TRPM2: variants seen among roughly 807,000 people sequenced by gnomAD.
TRPM2 encodes the protein transient receptor potential cation channel subfamily M member 2.
In TRPM2, 161 loss-of-function variants were observed where a neutral mutation model predicts 174.0. That is an observed-to-expected ratio of 0.93 (90% CI 0.81 to 1.05). TRPM2 has a LOEUF of 1.05. Ranked by LOEUF, TRPM2 falls within the 50% of genes least tolerant of loss-of-function variation. TRPM2 has a pLI of 0.00. For missense variants in TRPM2, 2,057 were observed against 2,038.0 expected, an observed-to-expected ratio of 1.01 and a Z score of -0.18; for synonymous variants, 954 against 861.3, an observed-to-expected ratio of 1.11 and a Z score of -1.88.
upstream of TRPM2, chr21:44,353,219 A>AAT (rs2123005402): frequency 6.5e-6 from 1 of 152,844 alleles, no homozygotes; most frequent in Non-Finnish European, 1.5e-5. Context: ...AAAATTTTGG[A>AAT]ATATGAAAGT....
intron 3 of TRPM2, among the ~76,000 whole-genome samples, chr21:44,365,710 G>A (rs1473108698): frequency 6.6e-6 from 1 of 152,162 alleles, no homozygotes; most frequent in African/African-American, 2.4e-5. Flanking sequence ...TGCAGCTGCC[G>A]ACAGGGGCCG....
intron 20 of TRPM2, among the ~76,000 whole-genome samples, chr21:44,417,303 G>T (rs1364646260): frequency 3.2e-5 from 4 of 123,142 alleles, no homozygotes; most frequent in South Asian, 2.9e-4. Context: ...CATCACAGTG[G>T]GCACAAGGGC....
rs138478516 is a variant in TRPM2 at position 44,375,892 on chromosome 21, A to G, written c.831A>G (p.Leu277=). 50 of 1,614,096 alleles carry G rather than the reference A, an allele frequency of 3.1e-5. No individual in the cohort carries two copies. The African/African-American group carries it at 6.4e-4, about 21-fold the overall frequency. ...DEDGQGNLTC[L]DSNHSHFILV... The stretch of plus-strand genomic sequence containing the variant: ...ATGGCCAAGGGAACCTGACCTGCCT[A>G]GACAGCAACCACTCTCACTTCATCC... Residue 277 remains leucine, a synonymous_variant, in exon 6 of 32, where the codon CTA becomes CTG. Coordinates refer to ENST00000397928, the MANE Select transcript of TRPM2 (RefSeq NM_003307.4).
At chr21:44,410,055 G>T (rs112658743) in intron 19 of TRPM2, among the ~76,000 whole-genome samples, 14 of 127,114 alleles carry the variant, frequency 1.1e-4, no homozygotes, top group East Asian at 2.4e-4. Context: ...AGTTTTGATC[G>T]CGCTGTCTTG....
chr21:44,362,374 T>C (rs1276235453), intron 2 of TRPM2, among the ~76,000 whole-genome samples: 1 of 112,542 alleles, frequency 8.9e-6, no homozygotes, highest in African/African-American at 3.7e-5. Context: ...AAGCCAGATG[T>C]GGTGATGGCC....
chr21:44,441,041 G>A, intron 31 of TRPM2, 136 bp downstream of exon 31: 2 of 744,880 alleles, frequency 2.7e-6, no homozygotes, highest in South Asian at 3.1e-5. Context: ...GGCCTCCGGG[G>A]AGAGGGAAGG....
intron 15 of TRPM2, 31 bp downstream of exon 15, chr21:44,400,402 T>TG (rs1569065903): frequency 1.3e-6 from 2 of 1,584,710 alleles, no homozygotes; most frequent in Non-Finnish European, 1.7e-6. Flanking sequence ...TGCGGGACTG[T>TG]GGGGCTGCGG....
Position 44,397,860 on chromosome 21 carries a change from T to C in TRPM2, c.2046T>C (p.Tyr682=), listed in dbSNP as rs538641160. ...AGATGCTGGCGCTGGCGGAGGAGTA[T>C]GAGCACAGAGCCATCGGTGAGCTCT... is the stretch of plus-strand genomic sequence containing the variant. ...SEEMLALAEE[Y]EHRAIGVFTE... is the part of the protein sequence containing the mutation. The change falls in exon 13 of 32, where the codon TAT becomes TAC. Residue 682 remains tyrosine, a synonymous_variant. Transcript: ENST00000397928. 30 of 1,607,208 alleles carry C rather than the reference T, an allele frequency of 1.9e-5. No individual in the cohort carries two copies. Among genetic ancestry groups the C allele is most frequent in the Non-Finnish European group, 2.5e-5 (30 of 1,177,206 alleles).
At position 44,377,294 on chromosome 21, in the gene TRPM2, G is replaced by A. The variant is rs1295085609; in HGVS notation, c.953-418G>A. On this transcript the variant is annotated intron_variant, in intron 6 of 31. Transcript: ENST00000397928. ...AGGATGGACGTGCCGCATGCTGCTC[G>A]CATCCACGCGTGGCAGGTTGTGCCA... Among the ~76,000 whole-genome samples the A allele has an allele frequency of 2.6e-5, 4 of 152,304 alleles. No individual in the cohort carries two copies. In the South Asian group the frequency reaches 6.2e-4, roughly 24 times the overall value.
chr21:44,400,306 GCTGTGGCGTGTGACC>G lies in TRPM2; in HGVS notation c.2262_2276del (p.Trp754_Leu758del). On this transcript the variant is annotated inframe_deletion, in exon 15 of 32. Transcript: ENST00000397928. ...GGGGCCAGCTCTCCGTGGACAATGG[GCTGTGGCGTGTGACC>G]CTGTGCATGCTGGCCTTCCCGCTGC... 1 of 1,612,914 alleles carries G rather than the reference GCTGTGGCGTGTGACC, an allele frequency of 6.2e-7. No homozygotes were observed. Among genetic ancestry groups the G allele is most frequent in the Non-Finnish European group, 8.5e-7 (1 of 1,179,920 alleles).
intron 9 of TRPM2, among the ~76,000 whole-genome samples, chr21:44,389,854 G>A (rs1602194473): frequency 6.6e-6 from 1 of 150,770 alleles, no homozygotes; most frequent in Non-Finnish European, 1.5e-5. Flanking sequence ...AGATGTCTTT[G>A]AAGAGCAGGA....
chr21:44,437,277 GC>G lies in TRPM2; in HGVS notation c.4167+114del, dbSNP rs1482411523. 47 of 1,049,852 alleles carry G rather than the reference GC, an allele frequency of 4.5e-5. No individual in the cohort carries two copies. The African/African-American group carries it at 7.5e-4, about 17-fold the overall frequency. The allele number at this position is 1,049,852 out of a possible 1,614,324, so 65.0% of individuals were successfully genotyped here. Reference sequence around the variant, plus strand: ...CACCAGCCCCCTGCAGCCCCCTGCAGCCCCTGGGCAGGGAGGGTTCGAGACC... The same window carrying G: ...CACCAGCCCCCTGCAGCCCCCTGCAGCCCTGGGCAGGGAGGGTTCGAGACC... On this transcript the variant is annotated intron_variant, in intron 29 of 31. Coordinates refer to ENST00000397928, the MANE Select transcript of TRPM2 (RefSeq NM_003307.4).
chr21:44,422,305 C>G, intron 22 of TRPM2: 1 of 1,536,128 alleles, frequency 6.5e-7, no homozygotes, highest in Non-Finnish European at 8.7e-7. Context: ...AGGACAAGCT[C>G]TGTCTGCAAA....
At position 44,399,949 on chromosome 21, in the gene TRPM2, C is replaced by T. The variant is rs142263505; in HGVS notation, c.2209-310C>T. Among the ~76,000 whole-genome samples, 49 of 152,292 alleles carry T rather than the reference C, an allele frequency of 3.2e-4. No individual in the cohort carries two copies. The highest frequency in any genetic ancestry group is 1.1e-3 in the African/African-American group (47 of 41,558). Reference sequence around the variant, plus strand: ...GCTCCCGTCATGTCCTGGGCTGTGCCAGGCCTAGGGAGGCCTGGGGAAGGG... The same window carrying T: ...GCTCCCGTCATGTCCTGGGCTGTGCTAGGCCTAGGGAGGCCTGGGGAAGGG... On this transcript the variant is annotated intron_variant, in intron 14 of 31. Coordinates refer to ENST00000397928, the MANE Select transcript of TRPM2 (RefSeq NM_003307.4). The surrounding 1 kb of genome is among the most constrained non-coding windows in gnomAD (Gnocchi z 4.6).
chr21:44,374,564 A>C (rs2048640371), intron 5 of TRPM2, among the ~76,000 whole-genome samples: 1 of 152,198 alleles, frequency 6.6e-6, no homozygotes. Flanking sequence ...AGACGGTCCC[A>C]TCATCTGGGG....
At position 44,439,204 on chromosome 21, in the gene TRPM2, G is replaced by A. The variant is rs1019985728; in HGVS notation, c.4269+36G>A. ...CCTGTTTGCTCTGTTCCACCTGTGT[G>A]TCCCCAGGGCTGCAGGACAAACACA... is the stretch of plus-strand genomic sequence containing the variant. On this transcript the variant is annotated intron_variant, in intron 30 of 31. Transcript: ENST00000397928. The surrounding 1 kb of genome is among the most constrained non-coding windows in gnomAD (Gnocchi z 5.1). 2 of 1,584,112 alleles carry A rather than the reference G, an allele frequency of 1.3e-6. No individual in the cohort carries two copies. Among genetic ancestry groups the A allele is most frequent in the South Asian group, 1.1e-5 (1 of 90,328 alleles).
intron 7 of TRPM2, among the ~76,000 whole-genome samples, chr21:44,378,169 A>G (rs1202458055): frequency 6.6e-6 from 1 of 152,186 alleles, no homozygotes; most frequent in Admixed American, 6.5e-5. Flanking sequence ...CCCCCATCCC[A>G]GATCCGTGGT....
intron 5 of TRPM2, among the ~76,000 whole-genome samples, chr21:44,374,178 T>A (rs747768136): frequency 2.0e-5 from 3 of 152,026 alleles, no homozygotes; most frequent in Non-Finnish European, 4.4e-5. Context: ...ACCCAGCTAA[T>A]TTTTGTATTT....
Position 44,390,909 on chromosome 21 carries a change from C to T in TRPM2, c.1324C>T (p.Arg442Trp), listed in dbSNP as rs769206155. 44 of 1,613,928 alleles carry T rather than the reference C, an allele frequency of 2.7e-5. No individual in the cohort carries two copies. Among genetic ancestry groups the T allele is most frequent in the Middle Eastern group, 1.6e-4 (1 of 6,072 alleles). The change falls in exon 10 of 32, where the codon CGG (arginine) becomes TGG (tryptophan). Residue 442 changes from arginine to tryptophan, a missense_variant. Physicochemically the swap from Arg to Trp is moderately radical, Grantham distance 101 (BLOSUM62 -3). Coordinates refer to ENST00000397928, the MANE Select transcript of TRPM2 (RefSeq NM_003307.4). ...AILQALLKAS[R>W]SQDHFGHENW... Reference sequence around the variant, plus strand: ...ATGCACCTGTTCATCTGCAGCCTCACGGAGCCAAGACCACTTTGGCCACGA... The same window carrying T: ...ATGCACCTGTTCATCTGCAGCCTCATGGAGCCAAGACCACTTTGGCCACGA...
Sources: gnomAD v4.1 joint callset for allele counts (sites outside exome capture counted in the v4.1 genomes callset) on GRCh38, gnomAD v4.1.1 for gene constraint, Gnocchi (gnomAD v3.1) non-coding constraint, MANE v1.5 for transcripts, NCBI Gene and HGNC (gene_info 2026-07-23, HGNC 2026-07-21) for gene names.